LRRC4C: variants seen among roughly 807,000 people sequenced by gnomAD.
The protein encoded by LRRC4C is leucine-rich repeat-containing protein 4C.
LRRC4C carries 5 observed loss-of-function variants against 33.6 expected under a neutral mutation model. The ratio of observed to expected loss-of-function variants is 0.15; its 90% CI spans 0.08 to 0.31. The LOEUF is 0.31. Ranked by LOEUF, LRRC4C falls within the 10% of genes least tolerant of loss-of-function variation. LRRC4C has a pLI of 1.00. For missense variants in LRRC4C, 560 were observed against 796.7 expected (o/e 0.70, Z 3.58); for synonymous variants, 329 against 302.0 (o/e 1.09, Z -0.93).
rs149974749 is a variant in LRRC4C at position 40,301,854 on chromosome 11, A to G, written c.-176+17774T>C. On this transcript the variant is annotated intron_variant, in intron 4 of 6. Coordinates refer to ENST00000528697, the MANE Select transcript of LRRC4C (RefSeq NM_001258419.2). ...TTTTAAATGTCCAGGTCTCTAATATACACACTTTTAAGAGACAAAAATGAC... is the reference window on the plus strand; with the variant it reads ...TTTTAAATGTCCAGGTCTCTAATATGCACACTTTTAAGAGACAAAAATGAC... Among the ~76,000 whole-genome samples the G allele has an allele frequency of 3.9e-3, 591 of 152,346 alleles. 6 individuals are homozygous for G. The highest frequency in any genetic ancestry group is 0.014 in the African/African-American group (563 of 41,574).
chr11:40,693,692 G>A (rs1945337684), intron 2 of LRRC4C, among the ~76,000 whole-genome samples: 1 of 152,054 alleles, frequency 6.6e-6, no homozygotes, highest in Non-Finnish European at 1.5e-5. Context: ...GAGCCACATA[G>A]CAAGAGGCAC....
At chr11:41,259,787 T>C (rs760878892) in intron 1 of LRRC4C, among the ~76,000 whole-genome samples, 2 of 152,056 alleles carry the variant, frequency 1.3e-5, no homozygotes, top group Non-Finnish European at 2.9e-5. Context: ...TTCACTCTTC[T>C]TGCAAAGTGT....
intron 1 of LRRC4C, among the ~76,000 whole-genome samples, chr11:41,446,168 C>T (rs1590308537): frequency 6.6e-6 from 1 of 152,186 alleles, no homozygotes; most frequent in African/African-American, 2.4e-5. Flanking sequence ...TACCAGGTTA[C>T]TCTTTTTCAA....
chr11:40,476,779 T>C (rs1805034956), intron 3 of LRRC4C, among the ~76,000 whole-genome samples: 1 of 152,160 alleles, frequency 6.6e-6, no homozygotes, highest in South Asian at 2.1e-4. Context: ...TATATTTTAA[T>C]TTTTTTAATG....
intron 3 of LRRC4C, among the ~76,000 whole-genome samples, chr11:40,389,371 G>A (rs1464522927): frequency 6.6e-6 from 1 of 152,026 alleles, no homozygotes; most frequent in East Asian, 1.9e-4. Flanking sequence ...GGTACACGGC[G>A]TGGGTTAGTT....
intron 1 of LRRC4C, among the ~76,000 whole-genome samples, chr11:41,411,531 T>C (rs768273904): frequency 5.9e-5 from 9 of 151,998 alleles, no homozygotes; most frequent in Non-Finnish European, 1.2e-4. Context: ...ACTTTAGGAA[T>C]AAAAAAGAGA....
At chr11:40,648,429 TG>T (rs1296722885) in intron 2 of LRRC4C, among the ~76,000 whole-genome samples, 151 bp from the exon 3 acceptor site, 7 of 152,188 alleles carry the variant, frequency 4.6e-5, no homozygotes, top group Non-Finnish European at 7.3e-5. Flanking sequence ...TAGAAAGTAA[TG>T]GGAAAAATAT....
At chr11:41,117,826 C>T (rs933620580) in intron 1 of LRRC4C, among the ~76,000 whole-genome samples, 4 of 151,944 alleles carry the variant, frequency 2.6e-5, no homozygotes, top group Non-Finnish European at 5.9e-5. Context: ...AAGCAAAATT[C>T]GCATTAGCTT....
chr11:41,011,970 A>G (rs1175766656), intron 1 of LRRC4C, among the ~76,000 whole-genome samples: 2 of 149,104 alleles, frequency 1.3e-5, no homozygotes, highest in African/African-American at 4.9e-5. Context: ...TACTTAATAG[A>G]TGTGTATATT....
chr11:41,238,878 A>G (rs1448581311), intron 1 of LRRC4C, among the ~76,000 whole-genome samples: 1 of 152,168 alleles, frequency 6.6e-6, no homozygotes, highest in Non-Finnish European at 1.5e-5. Context: ...GGAGACTTAG[A>G]TCACAGGATC....
intron 1 of LRRC4C, among the ~76,000 whole-genome samples, chr11:41,043,091 T>G: frequency 1.0e-5 from 1 of 97,606 alleles, no homozygotes; most frequent in African/African-American, 4.0e-5. Context: ...TTTTTTTTTT[T>G]TGCATGACGA....
At chr11:40,637,280 G>A (rs1941812525) in intron 3 of LRRC4C, among the ~76,000 whole-genome samples, 1 of 152,016 alleles carries the variant, frequency 6.6e-6, no homozygotes, top group Non-Finnish European at 1.5e-5. Flanking sequence ...GAAATAATTT[G>A]CCTACAGGCT....
intron 5 of LRRC4C, among the ~76,000 whole-genome samples, chr11:40,160,802 C>T (rs1002037527): frequency 1.3e-5 from 2 of 152,184 alleles, no homozygotes; most frequent in Non-Finnish European, 2.9e-5. Context: ...CCTTACTTCT[C>T]ACCTATTTTC....
chr11:40,833,809 G>T (rs1459276875), intron 2 of LRRC4C, among the ~76,000 whole-genome samples: 4 of 152,076 alleles, frequency 2.6e-5, no homozygotes, highest in African/African-American at 9.7e-5. Context: ...GATAAGTGTT[G>T]TGCATAAATG....
chr11:41,410,595 C>A (rs1409187609), intron 1 of LRRC4C, among the ~76,000 whole-genome samples: 1 of 151,832 alleles, frequency 6.6e-6, no homozygotes, highest in Non-Finnish European at 1.5e-5. Context: ...CGCCCGCCAT[C>A]ACGCCCAGCT....
At chr11:40,963,612 G>T (rs994178665) in intron 1 of LRRC4C, among the ~76,000 whole-genome samples, 4 of 151,646 alleles carry the variant, frequency 2.6e-5, no homozygotes, top group African/African-American at 9.7e-5. Context: ...TTTTCTGTGG[G>T]TCTATTATTA....
chr11:41,262,961 C>T (rs550820977), intron 1 of LRRC4C, among the ~76,000 whole-genome samples: 1 of 152,126 alleles, frequency 6.6e-6, no homozygotes, highest in African/African-American at 2.4e-5. Context: ...TATCTTAACA[C>T]ATCGCATGGC....
chr11:40,285,444 A>G (rs1464529972), intron 4 of LRRC4C, among the ~76,000 whole-genome samples: 2 of 152,120 alleles, frequency 1.3e-5, no homozygotes, highest in African/African-American at 4.8e-5. Flanking sequence ...CACAATGAGG[A>G]CCTCATCTGG....
At chr11:40,488,645 G>A (rs900138531) in intron 3 of LRRC4C, among the ~76,000 whole-genome samples, 2 of 151,962 alleles carry the variant, frequency 1.3e-5, no homozygotes, top group African/African-American at 2.4e-5. Context: ...TAGATCCTCC[G>A]TGTGTTGCCT....
Sources: gnomAD v4.1 joint callset for allele counts (sites outside exome capture counted in the v4.1 genomes callset) on GRCh38, gnomAD v4.1.1 for gene constraint, MANE v1.5 for transcripts, NCBI Gene and HGNC (gene_info 2026-07-23, HGNC 2026-07-21) for gene names.